Variants in CWH43 observed in about 807,000 individuals in gnomAD.
CWH43 encodes the protein cell wall biogenesis 43 C-terminal homolog.
CWH43 carries 91 observed loss-of-function variants against 85.7 expected under a neutral mutation model. The ratio of observed to expected loss-of-function variants is 1.06; its 90% CI spans 0.90 to 1.26. The LOEUF (loss-of-function observed/expected upper bound fraction) is 1.26, where lower values mean the gene tolerates loss of function less well. CWH43 is among the 50% of genes most tolerant of loss of function. CWH43 has a pLI of 0.00. For synonymous variants in CWH43, 323 were observed against 293.6 expected (o/e 1.10, Z -1.02); for missense variants, 869 against 839.2 (o/e 1.04, Z -0.44).
At chr4:49,022,521 C>T (rs1215734527) in intron 9 of CWH43, among the ~76,000 whole-genome samples, 6 of 151,904 alleles carry the variant, frequency 3.9e-5, no homozygotes, top group African/African-American at 1.4e-4. Flanking sequence ...TTTTTTGTTA[C>T]ATCCTTTGCT....
At chr4:49,006,144 T>C (rs1172314515) in intron 7 of CWH43, among the ~76,000 whole-genome samples, 3 of 152,216 alleles carry the variant, frequency 2.0e-5, no homozygotes, top group East Asian at 1.9e-4. Context: ...TCCAATGCCC[T>C]GCTTTTTTTC....
intron 1 of CWH43, chr4:48,986,742 G>A: frequency 7.6e-7 from 1 of 1,307,292 alleles, no homozygotes; most frequent in East Asian, 3.2e-5. Context: ...TTGTGCCCAA[G>A]GAGCGCGAAT....
At chr4:49,012,432 G>A (rs185521515) in intron 8 of CWH43, among the ~76,000 whole-genome samples, 298 of 152,234 alleles carry the variant, frequency 2.0e-3, no homozygotes, top group Non-Finnish European at 2.0e-3. Context: ...CCTTTAGCTC[G>A]GAGAAGTTTG....
At chr4:49,047,729 C>A (rs1784672088) in intron 14 of CWH43, among the ~76,000 whole-genome samples, 1 of 151,938 alleles carries the variant, frequency 6.6e-6, no homozygotes, top group African/African-American at 2.4e-5. Flanking sequence ...AGTGTGTGGG[C>A]AGGCAGGGAA....
intron 12 of CWH43, among the ~76,000 whole-genome samples, chr4:49,033,738 G>T (rs1338990096): frequency 6.6e-6 from 1 of 152,112 alleles, no homozygotes; most frequent in Non-Finnish European, 1.5e-5. Context: ...GCAATATATT[G>T]TAAAAGCAAA....
intron 15 of CWH43, among the ~76,000 whole-genome samples, chr4:49,056,419 T>C (rs1784965775): frequency 5.9e-5 from 9 of 152,128 alleles, no homozygotes; most frequent in Admixed American, 5.9e-4. Flanking sequence ...TATGAACTGG[T>C]CCATTTCTTT....
intron 9 of CWH43, 105 bp from the exon 10 acceptor site, chr4:49,028,524 C>T: frequency 6.1e-6 from 4 of 651,456 alleles, no homozygotes; most frequent in South Asian, 2.4e-5. Context: ...AAGGAAATTC[C>T]TTTGCTGAAA....
chr4:49,051,449 C>T (rs1199883882), intron 15 of CWH43, among the ~76,000 whole-genome samples: 1 of 152,164 alleles, frequency 6.6e-6, no homozygotes, highest in East Asian at 1.9e-4. Flanking sequence ...ATCAGGACCT[C>T]CTGGGGTGGT....
At chr4:49,026,367 G>A (rs1783916458) in intron 9 of CWH43, among the ~76,000 whole-genome samples, 1 of 152,208 alleles carries the variant, frequency 6.6e-6, no homozygotes, top group Non-Finnish European at 1.5e-5. Flanking sequence ...AAGGGTCTGT[G>A]GATTCCCTTG....
Position 49,003,770 on chromosome 4 carries a change from A to G in CWH43, c.838A>G (p.Thr280Ala), listed in dbSNP as rs777041327. The G allele has an allele frequency of 1.2e-6, 2 of 1,613,888 alleles. No homozygotes were observed. The highest frequency in any genetic ancestry group is 2.7e-5 in the African/African-American group (2 of 74,932). Residue 280 changes from threonine (T) to alanine (A), a missense_variant, in exon 7 of 16, where the codon ACA (threonine) becomes GCA (alanine). Transcript: ENST00000226432. The stretch of plus-strand genomic sequence containing the variant: ...AGCTGCGGGGCTCCTTTACCTGCAC[A>G]CATGGGCAGCTGCTGTGTCTGGCTG... Reference protein sequence around the residue: ...ASAAGLLYLHTWAAAVSGCVF... With the variant: ...ASAAGLLYLHAWAAAVSGCVF...
At chr4:48,989,179 G>C (rs1466445862) in intron 2 of CWH43, among the ~76,000 whole-genome samples, 1 of 152,112 alleles carries the variant, frequency 6.6e-6, no homozygotes, top group African/African-American at 2.4e-5. Flanking sequence ...ATAGAAAAGG[G>C]GGCACAGGAT....
intron 2 of CWH43, among the ~76,000 whole-genome samples, chr4:48,989,177 G>T (rs1246788853): frequency 1.3e-5 from 2 of 152,142 alleles, no homozygotes; most frequent in African/African-American, 4.8e-5. Flanking sequence ...CAATAGAAAA[G>T]GGGGCACAGG....
intron 8 of CWH43, among the ~76,000 whole-genome samples, chr4:49,013,530 CA>C (rs1783436596): frequency 6.6e-6 from 1 of 152,200 alleles, no homozygotes. Flanking sequence ...TGAGATGAAC[CA>C]GGTACCTCAG....
At chr4:49,039,232 C>A (rs1784361157) in intron 13 of CWH43, among the ~76,000 whole-genome samples, 1 of 133,260 alleles carries the variant, frequency 7.5e-6, no homozygotes, top group Admixed American at 7.8e-5. Flanking sequence ...GTCTGAAACA[C>A]TTGAATTTGT....
intron 8 of CWH43, among the ~76,000 whole-genome samples, chr4:49,013,353 C>T (rs901560370): frequency 7.9e-5 from 12 of 152,234 alleles, no homozygotes; most frequent in Non-Finnish European, 8.8e-5. Flanking sequence ...GGGAAAAACA[C>T]AGTATTTTGG....
intron 13 of CWH43, among the ~76,000 whole-genome samples, chr4:49,039,434 T>TG (rs1784388115): frequency 7.4e-6 from 1 of 134,562 alleles, no homozygotes; most frequent in Non-Finnish European, 1.6e-5. Context: ...TATACACTTA[T>TG]ATATATATAT....
intron 13 of CWH43, among the ~76,000 whole-genome samples, chr4:49,040,694 G>A (rs984474097): frequency 1.3e-5 from 2 of 152,096 alleles, no homozygotes; most frequent in African/African-American, 4.8e-5. Flanking sequence ...TCTGTAGGTT[G>A]CCTGTTCACT....
intron 11 of CWH43, among the ~76,000 whole-genome samples, chr4:49,031,632 T>G (rs1361462302): frequency 1.3e-5 from 2 of 152,142 alleles, no homozygotes; most frequent in African/African-American, 2.4e-5. Context: ...GATAGTGATC[T>G]GGAAGAACAG....
chr4:49,040,460 T>C (rs1331607792), intron 13 of CWH43, among the ~76,000 whole-genome samples: 1 of 152,228 alleles, frequency 6.6e-6, no homozygotes, highest in Non-Finnish European at 1.5e-5. Flanking sequence ...AGATGGTATC[T>C]CATTGTGGTT....
Sources: allele counts gnomAD v4.1 joint callset (sites outside exome capture counted in the v4.1 genomes callset), GRCh38; gene constraint gnomAD v4.1.1; transcripts MANE v1.5; gene names NCBI Gene and HGNC (gene_info 2026-07-23, HGNC 2026-07-21).